TSGA10: variants seen among roughly 807,000 people sequenced by gnomAD.
The protein encoded by TSGA10 is testis specific 10.
In TSGA10, 43 loss-of-function variants were observed where a neutral mutation model predicts 96.6. The observed-to-expected ratio is 0.44, with a 90% CI of 0.35 to 0.57. The LOEUF is 0.57. Among genes scored for constraint, TSGA10 ranks in the 20% least tolerant of loss-of-function variants. The pLI, the probability that TSGA10 is intolerant of heterozygous loss-of-function variation, is 0.01. For missense variants in TSGA10, 703 were observed against 834.4 expected, an observed-to-expected ratio of 0.84 and a Z score of 1.94; for synonymous variants, 229 against 269.9, an observed-to-expected ratio of 0.85 and a Z score of 1.48.
At chr2:99,050,856 C>A (rs1043882854) in intron 16 of TSGA10, among the ~76,000 whole-genome samples, 2 of 152,092 alleles carry the variant, frequency 1.3e-5, no homozygotes, top group African/African-American at 4.8e-5. Context: ...GACCAGCACA[C>A]ATGATGGTGG....
intron 1 of TSGA10, among the ~76,000 whole-genome samples, chr2:99,131,775 T>C (rs971113337): frequency 6.6e-6 from 1 of 152,222 alleles, no homozygotes; most frequent in African/African-American, 2.4e-5. Flanking sequence ...ATAGCTCTTA[T>C]TATTTTGAGA....
At chr2:99,044,577 A>C (rs557095327) in intron 16 of TSGA10, among the ~76,000 whole-genome samples, 2 of 152,264 alleles carry the variant, frequency 1.3e-5, no homozygotes, top group African/African-American at 4.8e-5. Context: ...CCCACACAAT[A>C]ATAGTGGGAG....
chr2:99,117,178 G>A (rs1426465616), intron 4 of TSGA10: 1 of 152,088 alleles, frequency 6.6e-6, no homozygotes, highest in Admixed American at 6.6e-5. Context: ...CTTTTTTAAT[G>A]GGTATTGAAA....
intron 4 of TSGA10, among the ~76,000 whole-genome samples, chr2:99,114,917 A>G (rs557877907): frequency 6.6e-6 from 1 of 152,300 alleles, no homozygotes; most frequent in East Asian, 1.9e-4. Context: ...AAGACATACT[A>G]AAACTCTTCA....
chr2:99,123,009 G>T (rs1164130311), intron 2 of TSGA10, among the ~76,000 whole-genome samples: 2 of 152,024 alleles, frequency 1.3e-5, no homozygotes, highest in Non-Finnish European at 2.9e-5. Context: ...CAACCTTCAA[G>T]GATACTTTCT....
chr2:99,082,691 C>T (rs1226294709), intron 10 of TSGA10, among the ~76,000 whole-genome samples: 4 of 152,060 alleles, frequency 2.6e-5, no homozygotes, highest in Non-Finnish European at 5.9e-5. Context: ...TCTCATAATT[C>T]AAAATTTAAA....
intron 20 of TSGA10, among the ~76,000 whole-genome samples, chr2:99,003,468 A>G (rs1429485140): frequency 6.6e-6 from 1 of 152,162 alleles, no homozygotes; most frequent in East Asian, 1.9e-4. Flanking sequence ...CATCTACAGA[A>G]CTCTCCAACC....
intron 15 of TSGA10, 27 bp downstream of exon 15, chr2:99,068,861 G>C (rs1402107484): frequency 5.1e-6 from 6 of 1,185,956 alleles, no homozygotes; most frequent in Non-Finnish European, 6.8e-6. Context: ...TAAGTATCAT[G>C]AGCAAAAAGA....
At chr2:99,104,579 A>G (rs1161352937) in intron 9 of TSGA10, among the ~76,000 whole-genome samples, 1 of 152,046 alleles carries the variant, frequency 6.6e-6, no homozygotes, top group Non-Finnish European at 1.5e-5. Flanking sequence ...GGTGCAAGCA[A>G]TTCTCCTGTC....
At chr2:99,123,665 C>G (rs1029503303) in intron 2 of TSGA10, among the ~76,000 whole-genome samples, 1 of 152,156 alleles carries the variant, frequency 6.6e-6, no homozygotes, top group African/African-American at 2.4e-5. Flanking sequence ...CCCCAAAAAA[C>G]TCTGTACCCA....
At chr2:99,153,914 GGA>G (rs1263669636) in intron 1 of TSGA10, among the ~76,000 whole-genome samples, 2 of 152,218 alleles carry the variant, frequency 1.3e-5, no homozygotes, top group Non-Finnish European at 2.9e-5. Flanking sequence ...TTTAACTGAA[GGA>G]GAGATTAATT....
intron 10 of TSGA10, among the ~76,000 whole-genome samples, chr2:99,101,189 G>A (rs1377261735): frequency 1.5e-5 from 2 of 132,938 alleles, no homozygotes; most frequent in Non-Finnish European, 3.1e-5. Context: ...AGCTTGCAGT[G>A]AGCCGAGATT....
intron 16 of TSGA10, among the ~76,000 whole-genome samples, chr2:99,042,745 C>T (rs2082324457): frequency 6.6e-6 from 1 of 151,700 alleles, no homozygotes; most frequent in Admixed American, 6.6e-5. Flanking sequence ...GCGTTGTGGC[C>T]CAGGCTGGAG....
At chr2:99,011,717 T>C (rs1382525491) in intron 20 of TSGA10, among the ~76,000 whole-genome samples, 1 of 152,164 alleles carries the variant, frequency 6.6e-6, no homozygotes, top group African/African-American at 2.4e-5. Flanking sequence ...CATGCAAGCA[T>C]GTGAGCACAT....
chr2:99,102,121 A>C, intron 10 of TSGA10: 1 of 1,453,010 alleles, frequency 6.9e-7, no homozygotes, highest in Admixed American at 1.7e-5. Context: ...GAAGAGTTAG[A>C]TAGGGGTTAC....
At chr2:99,047,788 T>A (rs2082951565) in intron 16 of TSGA10, among the ~76,000 whole-genome samples, 1 of 152,198 alleles carries the variant, frequency 6.6e-6, no homozygotes, top group African/African-American at 2.4e-5. Context: ...ATTGTCCCTG[T>A]TTGAAGATGG....
chr2:99,113,352 C>T (rs2104877252), intron 4 of TSGA10, among the ~76,000 whole-genome samples: 1 of 152,206 alleles, frequency 6.6e-6, no homozygotes, highest in South Asian at 2.1e-4. Context: ...CTTATTATCT[C>T]TTGGATTGTT....
chr2:99,024,239 G>T (rs2080330709), intron 17 of TSGA10, among the ~76,000 whole-genome samples: 1 of 151,998 alleles, frequency 6.6e-6, no homozygotes, highest in African/African-American at 2.4e-5. Flanking sequence ...ACAGGCACGT[G>T]CCATCACACC....
rs569573089 is a variant in TSGA10, at chr2:99,071,948, A to G, written c.939-74T>C. Reference sequence around the variant, plus strand: ...AGAGCAACAAATTCTCACAAGACAGAAGATGGACAGTTAGTATGAAAACAT... The same window carrying G: ...AGAGCAACAAATTCTCACAAGACAGGAGATGGACAGTTAGTATGAAAACAT... On this transcript the variant is annotated intron_variant, in intron 13 of 20. Coordinates refer to ENST00000393483, the MANE Select transcript of TSGA10 (RefSeq NM_025244.4). The G allele has an allele frequency of 5.1e-5, 67 of 1,326,216 alleles. 2 individuals are homozygous for G. The South Asian group carries it at 9.2e-4, about 18-fold the overall frequency. 82.2% of individuals were successfully genotyped at this position (1,326,216 alleles called of 1,614,324 possible).
Sources: allele counts gnomAD v4.1 joint callset (sites outside exome capture counted in the v4.1 genomes callset), GRCh38; gene constraint gnomAD v4.1.1; transcripts MANE v1.5; gene names NCBI Gene and HGNC (gene_info 2026-07-23, HGNC 2026-07-21).